Variants in PITPNC1 observed in about 807,000 individuals in gnomAD.
The protein encoded by PITPNC1 is phosphatidylinositol transfer protein cytoplasmic 1, also known as cytoplasmic phosphatidylinositol transfer protein 1.
PITPNC1 carries 18 observed loss-of-function variants against 44.7 expected under a neutral mutation model. The observed-to-expected ratio is 0.40, with a 90% CI of 0.28 to 0.60. The LOEUF is 0.60. PITPNC1 is among the 20% of genes least tolerant of loss of function. The pLI, the probability that PITPNC1 is intolerant of heterozygous loss-of-function variation, is 0.39. For synonymous variants in PITPNC1, 141 were observed against 149.6 expected, an observed-to-expected ratio of 0.94 and a Z score of 0.42; for missense variants, 290 against 418.4, an observed-to-expected ratio of 0.69 and a Z score of 2.68.
rs530449225 is a variant in PITPNC1 at position 67,407,140 on chromosome 17, T to TG, written c.48+28940dup. On this transcript the variant is annotated intron_variant, in intron 1 of 8. Transcript: ENST00000581322. ...TTACATTCCCACCTACAGTGTACGA[T>TG]GGTTCCAATTTCTCTACATCCTGGC... Among the ~76,000 whole-genome samples the TG allele has an allele frequency of 3.8e-3, 579 of 152,330 alleles. 4 individuals are homozygous for TG. The highest frequency in any genetic ancestry group is 0.013 in the African/African-American group (544 of 41,594).
At chr17:67,384,666 C>T (rs905039575) in intron 1 of PITPNC1, among the ~76,000 whole-genome samples, 3 of 152,130 alleles carry the variant, frequency 2.0e-5, no homozygotes, top group African/African-American at 7.2e-5. Context: ...ACCTCGTGAT[C>T]TGCCCGCCTC....
At chr17:67,447,934 C>CTCCT (rs531462270) in intron 1 of PITPNC1, among the ~76,000 whole-genome samples, 23 of 150,304 alleles carry the variant, frequency 1.5e-4, no homozygotes, top group Non-Finnish European at 2.2e-4. Flanking sequence ...CTCTTTCTTT[C>CTCCT]TCCTTCCTTC....
At chr17:67,513,355 A>G (rs1325454422) in intron 1 of PITPNC1, among the ~76,000 whole-genome samples, 1 of 7,326 alleles carries the variant, frequency 1.4e-4, no homozygotes, top group Non-Finnish European at 5.4e-4. Context: ...AAGAGTCTGT[A>G]TCTATATCTA....
intron 4 of PITPNC1, among the ~76,000 whole-genome samples, chr17:67,555,287 A>G (rs1428196834): frequency 6.6e-6 from 1 of 152,088 alleles, no homozygotes; most frequent in Non-Finnish European, 1.5e-5. Flanking sequence ...CATATTGTAA[A>G]TGTTTTCTGT....
intron 5 of PITPNC1, among the ~76,000 whole-genome samples, chr17:67,621,167 CTT>C (rs2041823805): frequency 1.3e-5 from 1 of 76,668 alleles, no homozygotes; most frequent in Non-Finnish European, 3.4e-5. Context: ...CTAGAGTACT[CTT>C]GTCTGAAGCA....
chr17:67,390,813 A>G (rs530836718), intron 1 of PITPNC1, among the ~76,000 whole-genome samples: 2 of 152,298 alleles, frequency 1.3e-5, no homozygotes, highest in East Asian at 1.9e-4. Context: ...GGGGTCACCA[A>G]CCACTTCCTG....
chr17:67,410,856 G>T (rs1389354928), intron 1 of PITPNC1, among the ~76,000 whole-genome samples: 1 of 151,822 alleles, frequency 6.6e-6, no homozygotes, highest in East Asian at 2.0e-4. Flanking sequence ...AGGCCGAGGC[G>T]GGTGGATCAC....
chr17:67,399,322 C>T (rs2038273380), intron 1 of PITPNC1, among the ~76,000 whole-genome samples: 1 of 152,064 alleles, frequency 6.6e-6, no homozygotes, highest in South Asian at 2.1e-4. Flanking sequence ...AGAGGGTAAA[C>T]TTTGATGGTT....
chr17:67,396,926 A>G (rs1015905851), intron 1 of PITPNC1, among the ~76,000 whole-genome samples: 1 of 152,176 alleles, frequency 6.6e-6, no homozygotes, highest in Non-Finnish European at 1.5e-5. Context: ...AAGTGCTGGG[A>G]TTACAGGTAT....
At chr17:67,501,146 C>T (rs980341023) in intron 1 of PITPNC1, among the ~76,000 whole-genome samples, 1 of 152,176 alleles carries the variant, frequency 6.6e-6, no homozygotes, top group African/African-American at 2.4e-5. Context: ...CATATTATTA[C>T]TTTCTCTATA....
intron 4 of PITPNC1, among the ~76,000 whole-genome samples, chr17:67,558,286 GA>G (rs374178999): frequency 2.4e-4 from 35 of 146,916 alleles, no homozygotes; most frequent in South Asian, 8.7e-4. Context: ...TTGCTTATGG[GA>G]AAAAAAAAAC....
Position 67,474,820 on chromosome 17 carries a change from G to GA in PITPNC1, c.49-57982_49-57981insA, listed in dbSNP as rs751608630. Among the ~76,000 whole-genome samples, 354 of 149,062 alleles carry GA rather than the reference G, an allele frequency of 2.4e-3. 2 individuals carry two copies. Among genetic ancestry groups the GA allele is most frequent in the African/African-American group, 7.9e-3 (322 of 40,664 alleles). On this transcript the variant is annotated intron_variant, in intron 1 of 8. Coordinates refer to ENST00000581322, the MANE Select transcript of PITPNC1 (RefSeq NM_012417.4). ...CAGGTGCACACCACCATGCCCGGCG[G>GA]CTTTTTTTTTTTTCTTGAAGAGGGG...
At chr17:67,471,240 T>TA (rs758005772) in intron 1 of PITPNC1, among the ~76,000 whole-genome samples, 1,621 of 118,338 alleles carry the variant, frequency 0.014, 43 homozygotes, top group African/African-American at 0.042. Flanking sequence ...AAAAAAAATG[T>TA]AAAAAAAAAA....
At chr17:67,406,839 A>G (rs1045121165) in intron 1 of PITPNC1, among the ~76,000 whole-genome samples, 1 of 152,110 alleles carries the variant, frequency 6.6e-6, no homozygotes, top group Non-Finnish European at 1.5e-5. Flanking sequence ...CATCCACCTC[A>G]TCCTCCTAAA....
chr17:67,672,295 G>T (rs937361761), intron 7 of PITPNC1, among the ~76,000 whole-genome samples: 1 of 151,896 alleles, frequency 6.6e-6, no homozygotes, highest in East Asian at 1.9e-4. Flanking sequence ...GTTAAAAAGA[G>T]AATAATACAA....
At chr17:67,642,960 A>C (rs1354281359) in intron 6 of PITPNC1, among the ~76,000 whole-genome samples, 3 of 152,182 alleles carry the variant, frequency 2.0e-5, no homozygotes, top group Non-Finnish European at 4.4e-5. Context: ...TACCAATTGA[A>C]TTTGGTAGTG....
chr17:67,492,052 C>T (rs1197594120), intron 1 of PITPNC1, among the ~76,000 whole-genome samples: 2 of 147,674 alleles, frequency 1.4e-5, no homozygotes, highest in East Asian at 2.0e-4. Flanking sequence ...TGGTGAATAA[C>T]AAGTATATTT....
At chr17:67,394,219 G>A (rs1052935977) in intron 1 of PITPNC1, among the ~76,000 whole-genome samples, 13 of 152,088 alleles carry the variant, frequency 8.5e-5, no homozygotes, top group Non-Finnish European at 1.5e-4. Context: ...GAAGAGATGA[G>A]GGTCTGGTTA....
At chr17:67,519,059 G>A (rs1279259009) in intron 1 of PITPNC1, among the ~76,000 whole-genome samples, 1 of 151,732 alleles carries the variant, frequency 6.6e-6, no homozygotes, top group African/African-American at 2.4e-5. Context: ...TACTCAAAAA[G>A]TTCAACATAG....
Sources: gnomAD v4.1 joint callset for allele counts (sites outside exome capture counted in the v4.1 genomes callset) on GRCh38, gnomAD v4.1.1 for gene constraint, MANE v1.5 for transcripts, NCBI Gene and HGNC (gene_info 2026-07-23, HGNC 2026-07-21) for gene names.